CNGB1: variants seen among roughly 807,000 people sequenced by gnomAD.
The protein encoded by CNGB1 is cyclic nucleotide-gated channel beta-1.
A neutral mutation model predicts 151.7 loss-of-function variants in CNGB1; 126 were observed. That is an observed-to-expected ratio of 0.83 (90% CI 0.72 to 0.96). CNGB1 has a LOEUF of 0.96. CNGB1 is among the 40% of genes least tolerant of loss of function. CNGB1 has a pLI of 0.00. For missense variants in CNGB1, 1,698 were observed against 1,627.0 expected (o/e 1.04, Z -0.75); for synonymous variants, 623 against 635.1 (o/e 0.98, Z 0.29).
chr16:57,923,357 T>C lies in CNGB1; in HGVS notation c.1559A>G (p.Asp520Gly), dbSNP rs1961100403. The change falls in exon 18 of 33, where the codon GAT becomes GGT. Residue 520 changes from aspartate (D) to glycine (G), a missense_variant. By Grantham distance (94) the Asp-to-Gly change is moderately conservative (BLOSUM62 -1). Transcript: ENST00000251102. ...THRKKLPSED[D>G]EAEELKALSP... Reference sequence around the variant, plus strand: ...CAACGCCTTGAGCTCTTCAGCCTCATCATCCTCAGAGGGCAGCTTCTTCCT... The same window carrying C: ...CAACGCCTTGAGCTCTTCAGCCTCACCATCCTCAGAGGGCAGCTTCTTCCT... 2 of 1,613,288 alleles carry C rather than the reference T, an allele frequency of 1.2e-6. No individual in the cohort carries two copies. The highest frequency in any genetic ancestry group is 1.3e-5 in the African/African-American group (1 of 74,890).
chr16:57,942,458 T>A (rs1487258286), intron 14 of CNGB1, among the ~76,000 whole-genome samples: 2 of 151,874 alleles, frequency 1.3e-5, no homozygotes, highest in African/African-American at 4.8e-5. Flanking sequence ...GAAAAAGAAA[T>A]GAAACAACCC....
At chr16:57,884,773 T>C (rs951864068) in intron 32 of CNGB1, among the ~76,000 whole-genome samples, 1 of 152,014 alleles carries the variant, frequency 6.6e-6, no homozygotes, top group African/African-American at 2.4e-5. Context: ...CCCCGAGCTA[T>C]TGAAGCAAGC....
intron 14 of CNGB1, among the ~76,000 whole-genome samples, chr16:57,942,962 T>C (rs1007965420): frequency 4.0e-5 from 6 of 151,744 alleles, no homozygotes; most frequent in African/African-American, 1.5e-4. Flanking sequence ...AAAAACCCTA[T>C]GATATTGGTC....
intron 29 of CNGB1, 127 bp from the exon 30 acceptor site, chr16:57,898,041 C>T (rs1960283066): frequency 4.3e-6 from 4 of 922,558 alleles, no homozygotes; most frequent in Admixed American, 1.8e-5. Context: ...AGCCCTGCCA[C>T]CACAACTTGG....
At chr16:57,911,727 G>GC (rs1356714741) in intron 25 of CNGB1, 26 bp downstream of exon 25, 1 of 1,613,230 alleles carries the variant, frequency 6.2e-7, no homozygotes, top group African/African-American at 1.3e-5. Flanking sequence ...CCCAGGCATG[G>GC]CCCCAGGGGG....
intron 1 of CNGB1, 91 bp from the exon 2 acceptor site, chr16:57,967,385 T>A: frequency 7.4e-7 from 1 of 1,351,956 alleles, no homozygotes; most frequent in Non-Finnish European, 1.1e-6. Flanking sequence ...ACATTTCCTT[T>A]TCCTTCATCA....
At chr16:57,888,108 C>T (rs373981886) in intron 31 of CNGB1, 34 bp from the exon 32 acceptor site, 25 of 1,599,366 alleles carry the variant, frequency 1.6e-5, no homozygotes, top group African/African-American at 9.4e-5. Context: ...ACATCACAGA[C>T]GCACTCTGGG....
intron 17 of CNGB1, among the ~76,000 whole-genome samples, chr16:57,927,225 CCTTAAGACCCACGT>C (rs2149369880): frequency 6.6e-6 from 1 of 152,296 alleles, no homozygotes; most frequent in East Asian, 1.9e-4. Context: ...AAATGACCTG[CCTTAAGACCCACGT>C]CTTACAAGTG....
chr16:57,960,277 T>C (rs1275714042), intron 9 of CNGB1, among the ~76,000 whole-genome samples: 1 of 152,186 alleles, frequency 6.6e-6, no homozygotes, highest in Non-Finnish European at 1.5e-5. Context: ...CCCACAAGTC[T>C]GTTCCAGGAC....
chr16:57,932,589 T>C (rs1481767823), intron 16 of CNGB1, among the ~76,000 whole-genome samples: 1 of 149,990 alleles, frequency 6.7e-6, no homozygotes, highest in Non-Finnish European at 1.5e-5. Context: ...TGTTTTGTTT[T>C]GTTTTTTTGA....
intron 32 of CNGB1, 29 bp from the exon 33 acceptor site, chr16:57,884,486 G>C (rs780480209): frequency 1.1e-5 from 17 of 1,612,660 alleles, no homozygotes; most frequent in Non-Finnish European, 5.9e-6. Flanking sequence ...GACTCGTGAG[G>C]CACAGACTCT....
Position 57,961,596 on chromosome 16 carries a change from G to A in CNGB1, c.459-681C>T, listed in dbSNP as rs552496016. On this transcript the variant is annotated intron_variant, in intron 7 of 32. Transcript: ENST00000251102. ...GCTGCATATGTCTCAGAAGGAAGTA[G>A]AGGACCAAAAGACACAGAGAGAGAG... Among the ~76,000 whole-genome samples, 4 of 152,214 alleles carry A rather than the reference G, an allele frequency of 2.6e-5. No individual in the cohort carries two copies. In the East Asian group the frequency reaches 5.8e-4, roughly 22 times the overall value.
chr16:57,949,266 C>T, intron 14 of CNGB1, 87 bp downstream of exon 14: 5 of 1,596,780 alleles, frequency 3.1e-6, no homozygotes, highest in Non-Finnish European at 4.2e-6. Context: ...AAGGAGCTCC[C>T]ATGAGCAGCA....
chr16:57,967,303 G>T lies in CNGB1; in HGVS notation c.-8-9C>A, dbSNP rs1160670686. On this transcript the variant is annotated splice_polypyrimidine_tract_variant and intron_variant, in intron 1 of 32. Transcript: ENST00000251102. Reference sequence around the variant, plus strand: ...GCCCAACATCCTGATGCCTGTAGGAGACAGAGTCCTTAGCCCTCCCTGGAG... The same window carrying T: ...GCCCAACATCCTGATGCCTGTAGGATACAGAGTCCTTAGCCCTCCCTGGAG... The T allele has an allele frequency of 6.2e-7, 1 of 1,614,004 alleles. No individual in the cohort carries two copies. The highest frequency in any genetic ancestry group is 1.3e-5 in the African/African-American group (1 of 74,928).
intron 3 of CNGB1, 100 bp downstream of exon 3, chr16:57,964,387 T>C (rs1396219467): frequency 5.4e-6 from 8 of 1,481,110 alleles, no homozygotes; most frequent in Admixed American, 1.7e-5. Context: ...AGTTTCCTCA[T>C]CTGTGAAATG....
chr16:57,915,190 G>T (rs1251047540), intron 23 of CNGB1, 59 bp downstream of exon 23: 3 of 1,390,450 alleles, frequency 2.2e-6, no homozygotes, highest in Non-Finnish European at 2.0e-6. Context: ...GAAGATGCCA[G>T]TGTCGGTGCA....
At chr16:57,956,953 G>A (rs1401228926) in intron 12 of CNGB1, among the ~76,000 whole-genome samples, 2 of 152,160 alleles carry the variant, frequency 1.3e-5, no homozygotes, top group Admixed American at 1.3e-4. Flanking sequence ...GGTTCTCCCA[G>A]TGAGACCCCA....
At chr16:57,908,585 G>A (rs1186365005) in intron 25 of CNGB1, among the ~76,000 whole-genome samples, 3 of 152,220 alleles carry the variant, frequency 2.0e-5, no homozygotes, top group Non-Finnish European at 4.4e-5. Flanking sequence ...CTTTAGGGTG[G>A]GAGTCCCATT....
chr16:57,952,417 A>C (rs1961972884), intron 12 of CNGB1, among the ~76,000 whole-genome samples: 1 of 139,260 alleles, frequency 7.2e-6, no homozygotes. Context: ...TTGCTTCCAC[A>C]CTTCCTTTCC....
Sources: gnomAD v4.1 joint callset for allele counts (sites outside exome capture counted in the v4.1 genomes callset) on GRCh38, gnomAD v4.1.1 for gene constraint, MANE v1.5 for transcripts, NCBI Gene and HGNC (gene_info 2026-07-23, HGNC 2026-07-21) for gene names.